Variants in MMP9 observed in about 807,000 individuals in gnomAD.
The protein encoded by MMP9 is matrix metallopeptidase 9.
In MMP9, 73 loss-of-function variants were observed where a neutral mutation model predicts 76.4. The ratio of observed to expected loss-of-function variants is 0.96; its 90% confidence interval spans 0.79 to 1.16. MMP9 has a LOEUF of 1.16. Among genes scored for constraint, MMP9 ranks in the 50% most tolerant of loss-of-function variants. MMP9 has a pLI of 0.00. For missense variants in MMP9, 943 were observed against 973.0 expected, an observed-to-expected ratio of 0.97 and a Z score of 0.41; for synonymous variants, 412 against 408.4, an observed-to-expected ratio of 1.01 and a Z score of -0.11.
At position 46,013,886 on chromosome 20, in the gene MMP9, T is replaced by C. The variant is rs1435632493; in HGVS notation, c.1750+90T>C. On this transcript the variant is annotated intron_variant, in intron 10 of 12. Coordinates refer to ENST00000372330, the MANE Select transcript of MMP9 (RefSeq NM_004994.3). The surrounding 1 kb of genome is among the most constrained non-coding windows in gnomAD (Gnocchi z 4.5). ...CATCGATAACCCACGAAACGTCTTG[T>C]GCGTTTTAGAAAAATACGCCCCCTG... 15 of 1,563,412 alleles carry C rather than the reference T, an allele frequency of 9.6e-6. No homozygotes were observed. Among genetic ancestry groups the C allele is most frequent in the African/African-American group, 5.4e-5 (4 of 73,592 alleles).
chr20:46,011,155 G>C lies in MMP9; in HGVS notation c.662G>C (p.Arg221Pro). The C allele has an allele frequency of 6.2e-7, 1 of 1,614,090 alleles. No homozygotes were observed. The highest frequency in any genetic ancestry group is 8.5e-7 in the Non-Finnish European group (1 of 1,180,034). Residue 221 changes from arginine to proline, a missense_variant, in exon 5 of 13, where the codon CGG becomes CCG. Coordinates refer to ENST00000372330, the MANE Select transcript of MMP9 (RefSeq NM_004994.3). The stretch of plus-strand genomic sequence containing the variant: ...CCTCCTCCTGCAGTGGTTCCAACTC[G>C]GTTTGGAAACGCAGATGGCGCGGCC... ...SLGKGVVVPT[R>P]FGNADGAACH...
Position 46,008,943 on chromosome 20 carries a change from CCCTGGTCCTGGTGCT to C in MMP9, c.24_38del (p.Val10_Leu14del). 4 of 1,613,884 alleles carry C rather than the reference CCCTGGTCCTGGTGCT, an allele frequency of 2.5e-6. No individual in the cohort carries two copies. The highest frequency in any genetic ancestry group is 3.4e-6 in the Non-Finnish European group (4 of 1,179,996). ...GCCCTCACCATGAGCCTCTGGCAGC[CCCTGGTCCTGGTGCT>C]CCTGGTGCTGGGCTGCTGCTTTGCT... On this transcript the variant is annotated inframe_deletion, in exon 1 of 13. Transcript: ENST00000372330.
Position 46,013,171 on chromosome 20 carries a change from ACT to A in MMP9, c.1331-83_1331-82del. ...GGGCCTGTGTGCCAGAGGAGGCTTC[ACT>A]GAGAAGCTTAGGGGAGCAGATGTTC... On this transcript the variant is annotated intron_variant, in intron 8 of 12. Transcript: ENST00000372330. The surrounding 1 kb of genome is among the most constrained non-coding windows in gnomAD (Gnocchi z 4.5). 1 of 1,532,156 alleles carries A rather than the reference ACT, an allele frequency of 6.5e-7. No homozygotes were observed. The highest frequency in any genetic ancestry group is 9.0e-7 in the Non-Finnish European group (1 of 1,106,886). 94.9% of individuals were successfully genotyped at this position (1,532,156 alleles called of 1,614,324 possible).
rs780133160 is a variant in MMP9, at chr20:46,011,329, G to A, written c.823+13G>A. The stretch of plus-strand genomic sequence containing the variant: ...TGCCCCAGCGAGAGTGAGTGAGGGG[G>A]CTCGCCGAGGGCTGGGGGCGCCCAC... On this transcript the variant is annotated intron_variant, in intron 5 of 12. Transcript: ENST00000372330. The A allele has an allele frequency of 1.9e-6, 3 of 1,598,852 alleles. No individual in the cohort carries two copies. In the African/African-American group the frequency reaches 4.0e-5, roughly 21 times the overall value.
chr20:46,015,309 T>C (rs973467598), intron 12 of MMP9, among the ~76,000 whole-genome samples: 29 of 152,210 alleles, frequency 1.9e-4, no homozygotes, highest in African/African-American at 7.0e-4. Flanking sequence ...CCCCTCCAGA[T>C]TGTCACTGGG....
At chr20:46,010,454 ACCT>A in intron 2 of MMP9, 26 bp from the exon 3 acceptor site, 2 of 1,612,602 alleles carry the variant, frequency 1.2e-6, no homozygotes. Flanking sequence ...TTCACTTCTG[ACCT>A]CCTTCCTCTG....
intron 1 of MMP9, among the ~76,000 whole-genome samples, chr20:46,009,572 A>C (rs990752554): frequency 2.0e-5 from 3 of 152,054 alleles, no homozygotes; most frequent in Admixed American, 6.6e-5. Flanking sequence ...GGATCGCTGA[A>C]GCTCAGGAGT....
rs535088896 is a variant in MMP9, at chr20:46,013,918, G to A, written c.1750+122G>A. The A allele has an allele frequency of 4.1e-6, 6 of 1,470,504 alleles. No homozygotes were observed. Among genetic ancestry groups the A allele is most frequent in the Admixed American group, 4.0e-5 (2 of 49,918 alleles). 91.1% of individuals were successfully genotyped at this position (1,470,504 alleles called of 1,614,324 possible). ...TAGAAAAATACGCCCCCTGGCGGAC[G>A]CAGTTTAGCAAACGTAGGGGCGGCT... is the stretch of plus-strand genomic sequence containing the variant. On this transcript the variant is annotated intron_variant, in intron 10 of 12. Coordinates refer to ENST00000372330, the MANE Select transcript of MMP9 (RefSeq NM_004994.3). This position sits in a 1 kb window ranked among gnomAD's most constrained non-coding sequence, Gnocchi z 4.5.
chr20:46,011,762 T>C lies in MMP9; in HGVS notation c.997+15T>C. On this transcript the variant is annotated intron_variant, in intron 6 of 12. Transcript: ENST00000372330. ...CCCGACCCGAGGTACCTCCACCCTG[T>C]CTACCAGGTTCAGCCCCGCCCTCTC... 6.2e-7 allele frequency: 1 copy of C among 1,604,728 alleles called. No homozygotes were observed. The highest frequency in any genetic ancestry group is 2.2e-5 in the East Asian group (1 of 44,696).
chr20:46,011,131 CT>C lies in MMP9; in HGVS notation c.650-11del. 6.2e-7 allele frequency: 1 copy of C among 1,614,116 alleles called. No individual in the cohort carries two copies. Among genetic ancestry groups the C allele is most frequent in the East Asian group, 2.2e-5 (1 of 44,878 alleles). The stretch of plus-strand genomic sequence containing the variant: ...CCCGCCGCCCTAACTCCGGTCCCCC[CT>C]CCTCCTGCAGTGGTTCCAACTCGGT... On this transcript the variant is annotated splice_polypyrimidine_tract_variant and intron_variant, in intron 4 of 12. Transcript: ENST00000372330.
intron 1 of MMP9, 120 bp downstream of exon 1, chr20:46,009,184 T>G (rs2084260694): frequency 8.7e-7 from 1 of 1,145,982 alleles, no homozygotes. Flanking sequence ...GATGGGCGTA[T>G]CTGAAGAACA....
rs564979879 is a variant in MMP9, at chr20:46,010,989, C to T, written c.588C>T (p.Pro196=). 6.8e-6 allele frequency: 11 copies of T among 1,614,194 alleles called. No homozygotes were observed. The South Asian group carries it at 7.7e-5, about 11-fold the overall frequency. Residue 196 remains proline (P), a synonymous_variant, in exon 4 of 13, where the codon CCC becomes CCT. Transcript: ENST00000372330. ...GLLAHAFPPG[P]GIQGDAHFDD... ...TGGCACACGCCTTTCCTCCTGGCCC[C>T]GGCATTCAGGGAGACGCCCATTTCG...
rs2084271571 is a variant in MMP9 at position 46,010,498 on chromosome 20, G to A, written c.387G>A (p.Ser129=). ...TACGCTACAGGATCCAAAACTACTCGGAAGACTTGCCGCGGGCGGTGATTG... is the reference window on the plus strand; with the variant it reads ...TACGCTACAGGATCCAAAACTACTCAGAAGACTTGCCGCGGGCGGTGATTG... ...HNITYWIQNY[S]EDLPRAVIDD... The change falls in exon 3 of 13, where the codon TCG becomes TCA. Residue 129 remains serine, a synonymous_variant. Transcript: ENST00000372330. The A allele has an allele frequency of 1.2e-6, 2 of 1,614,118 alleles. No homozygotes were observed. The highest frequency in any genetic ancestry group is 1.3e-5 in the African/African-American group (1 of 75,030).
In MMP9 at chr20:46,012,148, G is replaced by T. The variant is rs149701392; in HGVS notation, c.1009G>T (p.Val337Leu). The change falls in exon 7 of 13, where the codon GTG (valine) becomes TTG (leucine). Residue 337 changes from valine (V) to leucine (L), a missense_variant. Physicochemically the swap from Val to Leu is conservative, Grantham distance 32 (BLOSUM62 1). Transcript: ENST00000372330. The stretch of plus-strand genomic sequence containing the variant: ...TTGGGTCTCTCCAGCTGACTCGACG[G>T]TGATGGGGGGCAACTCGGCGGGGGA... ...GFCPTRADST[V>L]MGGNSAGELC... 1.2e-6 allele frequency: 2 copies of T among 1,614,084 alleles called. No homozygotes were observed. Among genetic ancestry groups the T allele is most frequent in the Non-Finnish European group, 8.5e-7 (1 of 1,180,026 alleles).
In MMP9 at chr20:46,013,907, C is replaced by A; in HGVS notation, c.1750+111C>A. 6.7e-7 allele frequency: 1 copy of A among 1,499,184 alleles called. No individual in the cohort carries two copies. Among genetic ancestry groups the A allele is most frequent in the Non-Finnish European group, 9.1e-7 (1 of 1,103,088 alleles). 92.9% of individuals were successfully genotyped at this position (1,499,184 alleles called of 1,614,324 possible). On this transcript the variant is annotated intron_variant, in intron 10 of 12. Coordinates refer to ENST00000372330, the MANE Select transcript of MMP9 (RefSeq NM_004994.3). The surrounding 1 kb of genome is among the most constrained non-coding windows in gnomAD (Gnocchi z 4.5). ...CTTGTGCGTTTTAGAAAAATACGCC[C>A]CCTGGCGGACGCAGTTTAGCAAACG... is the stretch of plus-strand genomic sequence containing the variant.
At position 46,012,267 on chromosome 20, in the gene MMP9, C is replaced by G. The variant is rs1402682487; in HGVS notation, c.1128C>G (p.Thr376=). The change falls in exon 7 of 13, where the codon ACC becomes ACG. Residue 376 remains threonine (T), a synonymous_variant. Coordinates refer to ENST00000372330, the MANE Select transcript of MMP9 (RefSeq NM_004994.3). ...RGDGRLWCAT[T]SNFDSDKKWG... is the part of the protein sequence containing the mutation. The stretch of plus-strand genomic sequence containing the variant: ...ATGGGCGCCTCTGGTGCGCTACCAC[C>G]TCGAACTTTGACAGCGACAAGAAGT... 2 of 1,613,998 alleles carry G rather than the reference C, an allele frequency of 1.2e-6. No homozygotes were observed. Among genetic ancestry groups the G allele is most frequent in the Middle Eastern group, 1.6e-4 (1 of 6,062 alleles).
At chr20:46,010,875 C>T (rs201189092) in intron 3 of MMP9, 47 bp from the exon 4 acceptor site, 83 of 1,613,970 alleles carry the variant, frequency 5.1e-5, no homozygotes, top group Non-Finnish European at 6.8e-5. Context: ...GCACAATCTG[C>T]GCAGCAGTAC....
Position 46,014,271 on chromosome 20 carries a change from G to A in MMP9, c.1898G>A (p.Trp633Ter). 2.0e-6 allele frequency: 3 copies of A among 1,526,154 alleles called. No homozygotes were observed. Among genetic ancestry groups the A allele is most frequent in the Non-Finnish European group, 1.8e-6 (2 of 1,140,072 alleles). The allele number at this position is 1,526,154 out of a possible 1,614,324, so 94.5% of individuals were successfully genotyped here. A position where few individuals can be genotyped will look rare whatever the true frequency, so the allele number is the denominator to read the frequency against. The change falls in exon 11 of 13, where the codon TGG becomes TAG. Residue 633 changes from tryptophan to a stop codon, truncating the protein, a stop_gained. Coordinates refer to ENST00000372330, the MANE Select transcript of MMP9 (RefSeq NM_004994.3). LOFTEE classifies it high-confidence loss of function. ...KMLLFSGRRLWRFDVKAQMVD... is the reference protein window; with the variant it reads ...KMLLFSGRRL ...CTGCTGTTCAGCGGGCGGCGCCTCTGGAGGTGAGCGCCGCCGCGGCCGCCG... is the reference window on the plus strand; with the variant it reads ...CTGCTGTTCAGCGGGCGGCGCCTCTAGAGGTGAGCGCCGCCGCGGCCGCCG...
chr20:46,013,603 A>T lies in MMP9; in HGVS notation c.1611-54A>T. 6.2e-7 allele frequency: 1 copy of T among 1,612,372 alleles called. No individual in the cohort carries two copies. The highest frequency in any genetic ancestry group is 8.5e-7 in the Non-Finnish European group (1 of 1,178,848). ...AGGGGCTGCCCGTCCCTTCCCGCCC[A>T]CTGGCCCTGTGTCCAAGGCTTAGAG... On this transcript the variant is annotated intron_variant, in intron 9 of 12. Coordinates refer to ENST00000372330, the MANE Select transcript of MMP9 (RefSeq NM_004994.3). The surrounding 1 kb of genome is among the most constrained non-coding windows in gnomAD (Gnocchi z 4.5).
Sources: allele counts gnomAD v4.1 joint callset (sites outside exome capture counted in the v4.1 genomes callset), GRCh38; gene constraint gnomAD v4.1.1; non-coding constraint Gnocchi (gnomAD v3.1); transcripts MANE v1.5; gene names NCBI Gene and HGNC (gene_info 2026-07-23, HGNC 2026-07-21).